PRKG1: variants seen among roughly 807,000 people sequenced by gnomAD.
The protein encoded by PRKG1 is cGMP-dependent protein kinase 1.
A neutral mutation model predicts 88.1 loss-of-function variants in PRKG1; 35 were observed. The observed-to-expected ratio is 0.40, with a 90% CI of 0.30 to 0.53. The LOEUF (loss-of-function observed/expected upper bound fraction) is 0.53, where lower values mean the gene tolerates loss of function less well. Among genes scored for constraint, PRKG1 ranks in the 20% least tolerant of loss-of-function variants. PRKG1 has a pLI of 0.59. For missense variants in PRKG1, 540 were observed against 839.8 expected (o/e 0.64, Z 4.41); for synonymous variants, 303 against 292.5 (o/e 1.04, Z -0.37).
At chr10:52,049,098 C>T (rs542663216) in intron 5 of PRKG1, among the ~76,000 whole-genome samples, 18 of 152,270 alleles carry the variant, frequency 1.2e-4, no homozygotes, top group East Asian at 1.2e-3. Context: ...CTGGTTATCA[C>T]GCAGTCATTA....
At chr10:51,171,050 C>A (rs1904673) in intron 2 of PRKG1, among the ~76,000 whole-genome samples, 9,995 of 152,054 alleles carry the variant, frequency 0.066, 691 homozygotes, top group African/African-American at 0.17. Context: ...TATCCAAAAA[C>A]ATTGAGGTGG....
chr10:51,334,999 CTT>C (rs918622780), intron 2 of PRKG1, among the ~76,000 whole-genome samples: 15 of 78,756 alleles, frequency 1.9e-4, no homozygotes, highest in Admixed American at 1.4e-3. Context: ...TGTCAGGTTT[CTT>C]TTTTTTTTTT....
chr10:51,560,179 G>C (rs1049097388), intron 3 of PRKG1, among the ~76,000 whole-genome samples: 3 of 152,114 alleles, frequency 2.0e-5, no homozygotes, highest in Admixed American at 1.3e-4. Flanking sequence ...CCCTTTTGGT[G>C]GGTAGGTTGT....
intron 8 of PRKG1, among the ~76,000 whole-genome samples, chr10:52,136,359 G>A (rs1457318698): frequency 6.6e-6 from 1 of 152,064 alleles, no homozygotes. Context: ...TAGAAAATTT[G>A]TAGAGAAATG....
chr10:51,129,821 AG>A (rs1338558213), intron 1 of PRKG1, among the ~76,000 whole-genome samples: 3 of 152,170 alleles, frequency 2.0e-5, no homozygotes, highest in African/African-American at 7.2e-5. Context: ...CCCTGAAAGA[AG>A]GGTCACATTT....
intron 2 of PRKG1, among the ~76,000 whole-genome samples, chr10:51,199,696 C>G (rs1837862361): frequency 1.3e-5 from 2 of 152,296 alleles, no homozygotes; most frequent in Middle Eastern, 3.4e-3. Flanking sequence ...TTTTCTGGGC[C>G]TGGCTTTGTT....
chr10:51,483,766 A>T (rs758238004), intron 3 of PRKG1, among the ~76,000 whole-genome samples: 11 of 152,172 alleles, frequency 7.2e-5, no homozygotes, highest in Non-Finnish European at 1.3e-4. Flanking sequence ...ATATATTTGG[A>T]GTATTCATTA....
intron 3 of PRKG1, among the ~76,000 whole-genome samples, chr10:51,529,077 G>T (rs1332391510): frequency 6.6e-6 from 1 of 151,974 alleles, no homozygotes; most frequent in Non-Finnish European, 1.5e-5. Flanking sequence ...TTTTTAGTTT[G>T]TCCACAACCT....
At chr10:51,878,762 G>T (rs1841365483) in intron 4 of PRKG1, among the ~76,000 whole-genome samples, 1 of 152,160 alleles carries the variant, frequency 6.6e-6, no homozygotes, top group Non-Finnish European at 1.5e-5. Context: ...ACTAGAGCTG[G>T]CTATTTGGTG....
Position 52,134,128 on chromosome 10 carries a change from G to A in PRKG1, c.1001+223G>A, listed in dbSNP as rs7097336. Among the ~76,000 whole-genome samples, 152,074 of 152,298 alleles carry A rather than the reference G, an allele frequency of 1. 75,925 individuals are homozygous for A. The highest frequency in any genetic ancestry group is 1 in the Non-Finnish European group (68,020 of 68,020). ...AAGGTACTTAACCACTGTGAGCTTC[G>A]GCTCAGCTCATTTGTAAACTGAGGT... On this transcript the variant is annotated intron_variant, in intron 8 of 17. Coordinates refer to ENST00000373980, the MANE Select transcript of PRKG1 (RefSeq NM_006258.4).
At chr10:51,028,719 T>G (rs1346037606) in intron 1 of PRKG1, among the ~76,000 whole-genome samples, 1 of 152,098 alleles carries the variant, frequency 6.6e-6, no homozygotes, top group African/African-American at 2.4e-5. Context: ...AGTAAGAAGC[T>G]CATTAGAAGT....
chr10:51,211,073 A>T (rs1217690360), intron 2 of PRKG1, among the ~76,000 whole-genome samples: 1 of 152,266 alleles, frequency 6.6e-6, no homozygotes, highest in Non-Finnish European at 1.5e-5. Context: ...TCAATAAAAT[A>T]CTGGCAAAAC....
intron 5 of PRKG1, among the ~76,000 whole-genome samples, chr10:51,976,853 C>T (rs567061266): frequency 2.0e-5 from 3 of 152,050 alleles, no homozygotes; most frequent in Admixed American, 6.6e-5. Flanking sequence ...AAGTTATGAC[C>T]TGTGTTAGCT....
chr10:52,245,188 G>T (rs1420190757), intron 9 of PRKG1, among the ~76,000 whole-genome samples: 1 of 151,562 alleles, frequency 6.6e-6, no homozygotes, highest in Non-Finnish European at 1.5e-5. Flanking sequence ...TGGGCTTAAG[G>T]CTCACTTTCT....
intron 2 of PRKG1, among the ~76,000 whole-genome samples, chr10:51,375,738 A>G (rs1842803213): frequency 6.7e-6 from 1 of 149,330 alleles, no homozygotes; most frequent in African/African-American, 2.5e-5. Flanking sequence ...TAAATATATA[A>G]TATGAGTGTT....
intron 2 of PRKG1, among the ~76,000 whole-genome samples, chr10:51,426,699 C>T (rs757643458): frequency 6.7e-6 from 1 of 148,886 alleles, no homozygotes; most frequent in African/African-American, 2.5e-5. Flanking sequence ...TGTGTCTATA[C>T]ACACACACAC....
At position 52,054,444 on chromosome 10, in the gene PRKG1, T is replaced by C. The variant is rs547015369; in HGVS notation, c.763-40T>C. 4.0e-6 allele frequency: 6 copies of C among 1,502,782 alleles called. No individual in the cohort carries two copies. The South Asian group carries it at 6.8e-5, about 17-fold the overall frequency. The allele number at this position is 1,502,782 out of a possible 1,614,324, so 93.1% of individuals were successfully genotyped here. A position where few individuals can be genotyped will look rare whatever the true frequency, so the allele number is the denominator to read the frequency against. ...GAGGCTGAGCTGTTTGGTAACTTAC[T>C]GCTTGCTTAATTTTTTTTCTTATTG... On this transcript the variant is annotated intron_variant, in intron 5 of 17. Transcript: ENST00000373980.
chr10:51,806,250 T>C (rs928580422), intron 4 of PRKG1, among the ~76,000 whole-genome samples: 3 of 152,314 alleles, frequency 2.0e-5, no homozygotes, highest in Non-Finnish European at 2.9e-5. Flanking sequence ...GTTGGACACT[T>C]ACGATGTTGA....
At chr10:51,619,916 A>G (rs1194255334) in intron 3 of PRKG1, among the ~76,000 whole-genome samples, 2 of 152,154 alleles carry the variant, frequency 1.3e-5, no homozygotes, top group Non-Finnish European at 1.5e-5. Flanking sequence ...CTTCCTGTGT[A>G]TGAGTCCTAA....
Sources: gnomAD v4.1 joint callset for allele counts (sites outside exome capture counted in the v4.1 genomes callset) on GRCh38, gnomAD v4.1.1 for gene constraint, MANE v1.5 for transcripts, NCBI Gene and HGNC (gene_info 2026-07-23, HGNC 2026-07-21) for gene names.